LMX1B: variants seen among roughly 807,000 people sequenced by gnomAD.
LMX1B encodes LIM homeobox transcription factor 1 beta, also known as LIM homeobox transcription factor 1-beta.
Under a neutral mutation model 51.4 loss-of-function variants are expected in LMX1B, and 12 were observed. The ratio of observed to expected loss-of-function variants is 0.23; its 90% CI spans 0.15 to 0.38. The LOEUF (loss-of-function observed/expected upper bound fraction) is 0.38, where lower values mean the gene tolerates loss of function less well. Among genes scored for constraint, LMX1B ranks in the 10% least tolerant of loss-of-function variants. The probability of loss-of-function intolerance (pLI) is 1.00; values close to 1 mark genes in which losing one functional copy is unlikely to be tolerated. For missense variants in LMX1B, 445 were observed against 571.1 expected (o/e 0.78, Z 2.25); for synonymous variants, 237 against 235.4 (o/e 1.01, Z -0.06).
intron 2 of LMX1B, among the ~76,000 whole-genome samples, chr9:126,683,311 GCCCGCGGCCGC>G (rs1836712501): frequency 1.3e-5 from 2 of 151,780 alleles, no homozygotes; most frequent in South Asian, 4.1e-4. Context: ...CGCCCGCCCG[GCCCGCGGCCGC>G]CGCATCAAAG....
chr9:126,673,336 T>C lies in LMX1B; in HGVS notation c.327-17500T>C, dbSNP rs1270631391. Among the ~76,000 whole-genome samples the C allele has an allele frequency of 6.6e-6, 1 of 152,116 alleles. No homozygotes were observed. Among genetic ancestry groups the C allele is most frequent in the African/African-American group, 2.4e-5 (1 of 41,436 alleles). On this transcript the variant is annotated intron_variant, in intron 2 of 7. Coordinates refer to ENST00000373474, the MANE Select transcript of LMX1B (RefSeq NM_001174147.2). The surrounding 1 kb of genome is among the most constrained non-coding windows in gnomAD (Gnocchi z 4.4). ...AGGGAGGGCTCTGCGTGCTGCTGGC[T>C]GGACTTCCTGGGCGTCTGACACACC...
intron 2 of LMX1B, among the ~76,000 whole-genome samples, chr9:126,689,093 G>A (rs2030018422): frequency 6.6e-6 from 1 of 152,224 alleles, no homozygotes; most frequent in South Asian, 2.1e-4. Context: ...ACCTCCCCCA[G>A]ACTGGGGCAT....
chr9:126,643,890 C>A (rs1487645589), intron 2 of LMX1B, among the ~76,000 whole-genome samples: 1 of 152,200 alleles, frequency 6.6e-6, no homozygotes, highest in Non-Finnish European at 1.5e-5. Context: ...GTAGCCCTAC[C>A]AGGTAGACGC....
At chr9:126,621,638 TTC>T (rs1267312986) in intron 2 of LMX1B, among the ~76,000 whole-genome samples, 50 of 126,198 alleles carry the variant, frequency 4.0e-4, no homozygotes, top group African/African-American at 1.2e-3. Context: ...TATAGGGTTT[TTC>T]TCTCTCTCTC....
At chr9:126,634,229 G>T (rs1414999080) in intron 2 of LMX1B, among the ~76,000 whole-genome samples, 2 of 152,174 alleles carry the variant, frequency 1.3e-5, no homozygotes, top group Non-Finnish European at 2.9e-5. Context: ...TGGCAGGATG[G>T]GGCATGTGAG....
intron 2 of LMX1B, among the ~76,000 whole-genome samples, chr9:126,652,304 G>GA (rs921552181): frequency 7.4e-5 from 11 of 148,694 alleles, no homozygotes; most frequent in African/African-American, 2.7e-4. Flanking sequence ...GAAGGGGGGG[G>GA]GGATTTTCTC....
chr9:126,659,337 C>G (rs1222292756), intron 2 of LMX1B, among the ~76,000 whole-genome samples: 1 of 152,230 alleles, frequency 6.6e-6, no homozygotes, highest in African/African-American at 2.4e-5. Flanking sequence ...TGGGAAGGCG[C>G]CCTCCAGCAG....
At chr9:126,665,369 G>A (rs911211621) in intron 2 of LMX1B, among the ~76,000 whole-genome samples, 4 of 152,234 alleles carry the variant, frequency 2.6e-5, no homozygotes, top group Non-Finnish European at 5.9e-5. Context: ...CCTGCTAACC[G>A]CTGCTCCTGA....
chr9:126,693,038 A>G, intron 3 of LMX1B, 104 bp from the exon 4 acceptor site: 1 of 1,238,906 alleles, frequency 8.1e-7, no homozygotes, highest in Non-Finnish European at 1.1e-6. Context: ...AGGTGTCAAC[A>G]GAGGGGACAG....
intron 2 of LMX1B, among the ~76,000 whole-genome samples, chr9:126,675,866 G>A (rs1347670311): frequency 6.6e-6 from 1 of 151,128 alleles, no homozygotes; most frequent in Non-Finnish European, 1.5e-5. Flanking sequence ...TGGCTAACAC[G>A]GTGAAACCCC....
chr9:126,614,168 G>A lies in LMX1B; in HGVS notation c.-282G>A, dbSNP rs958641631. ...GGCTCCGTCTGCAGCAGCCGCCGCC[G>A]CCGGGTTCCGGGACTGACAAGCAGG... On this transcript the variant is annotated 5_prime_UTR_variant, in exon 1 of 8. Transcript: ENST00000373474. 6.9e-6 allele frequency among the ~76,000 whole-genome samples: 1 copy of A among 144,400 alleles called. No homozygotes were observed. The highest frequency in any genetic ancestry group is 6.8e-5 in the Admixed American group (1 of 14,632). The allele number at this position is 144,400 out of a possible 152,430, so 94.7% of individuals were successfully genotyped here.
chr9:126,633,609 A>G (rs555976661), intron 2 of LMX1B, among the ~76,000 whole-genome samples: 1 of 152,122 alleles, frequency 6.6e-6, no homozygotes, highest in African/African-American at 2.4e-5. Flanking sequence ...GGGCAAAATT[A>G]GTACCCTCCG....
rs1221734740 is a variant in LMX1B at position 126,696,810 on chromosome 9, A to T, written c.*359A>T. 1 of 346,442 alleles carries T rather than the reference A, an allele frequency of 2.9e-6. No homozygotes were observed. The highest frequency in any genetic ancestry group is 7.1e-5 in the East Asian group (1 of 14,176). The allele number at this position is 346,442 out of a possible 1,614,324, so 21.5% of individuals were successfully genotyped here. Reference sequence around the variant, plus strand: ...TTTTTTAAATGTCCTCTCTGTGTCCATGGCCCTCCATGCAAGCCCCAGGAC... The same window carrying T: ...TTTTTTAAATGTCCTCTCTGTGTCCTTGGCCCTCCATGCAAGCCCCAGGAC... On this transcript the variant is annotated 3_prime_UTR_variant, in exon 8 of 8. Transcript: ENST00000373474.
intron 2 of LMX1B, among the ~76,000 whole-genome samples, chr9:126,628,143 C>T (rs1835568248): frequency 6.6e-6 from 1 of 152,234 alleles, no homozygotes; most frequent in Non-Finnish European, 1.5e-5. Flanking sequence ...TCTTTCTTGT[C>T]TCTGACTCCC....
chr9:126,651,860 C>T (rs563092556), intron 2 of LMX1B, among the ~76,000 whole-genome samples: 103 of 152,296 alleles, frequency 6.8e-4, no homozygotes, highest in African/African-American at 2.3e-3. Context: ...ACTGGTGAGT[C>T]CCCTATGAGT....
intron 2 of LMX1B, among the ~76,000 whole-genome samples, chr9:126,666,896 C>G (rs1480196689): frequency 1.3e-5 from 2 of 152,316 alleles, no homozygotes; most frequent in South Asian, 4.2e-4. Context: ...GGTTTCTTCT[C>G]TCTCAGCCCT....
At chr9:126,649,916 C>T (rs1835968698) in intron 2 of LMX1B, among the ~76,000 whole-genome samples, 1 of 152,264 alleles carries the variant, frequency 6.6e-6, no homozygotes, top group Non-Finnish European at 1.5e-5. Context: ...GTGTGAGCCA[C>T]CGAGCCTGGC....
chr9:126,683,352 T>G (rs1382422889), intron 2 of LMX1B, among the ~76,000 whole-genome samples: 3 of 152,132 alleles, frequency 2.0e-5, no homozygotes, highest in Non-Finnish European at 2.9e-5. Context: ...GCAGCTGGTT[T>G]GAGTTGGATC....
intron 3 of LMX1B, among the ~76,000 whole-genome samples, chr9:126,692,534 C>T (rs898013246): frequency 3.3e-5 from 5 of 152,220 alleles, no homozygotes; most frequent in East Asian, 1.9e-4. Context: ...CGTTCCTGCC[C>T]GTGAGCATGG....
Sources: allele counts gnomAD v4.1 joint callset (sites outside exome capture counted in the v4.1 genomes callset), GRCh38; gene constraint gnomAD v4.1.1; non-coding constraint Gnocchi (gnomAD v3.1); transcripts MANE v1.5; gene names NCBI Gene and HGNC (gene_info 2026-07-23, HGNC 2026-07-21).